The following TBX3 variants were observed in gnomAD, a reference collection of about 807,000 sequenced individuals.
TBX3 encodes the protein T-box transcription factor 3, also known as T-box transcription factor TBX3.
A neutral mutation model predicts 47.8 loss-of-function variants in TBX3; 11 were observed. The ratio of observed to expected loss-of-function variants is 0.23; its 90% CI spans 0.14 to 0.38. The LOEUF is 0.38. TBX3 is among the 10% of genes least tolerant of loss of function. TBX3 has a pLI of 1.00. For synonymous variants in TBX3, 500 were observed against 449.3 expected (o/e 1.11, Z -1.43); for missense variants, 927 against 1,022.8 (o/e 0.91, Z 1.28).
At position 114,672,086 on chromosome 12, in the gene TBX3, T is replaced by C; in HGVS notation, c.1927A>G (p.Met643Val). The change falls in exon 7 of 7, where the codon ATG (methionine) becomes GTG (valine). Residue 643 changes from methionine (M) to valine (V), a missense_variant. Transcript: ENST00000349155. ...TCCAGGGGCCCCGCGGCCGCCGCCA[T>C]GGAGGGCAGGGCGGTGGTGAGCAGA... ...SSLLTTALPS[M>V]AAAAGPLDGK... is the part of the protein sequence containing the mutation. 1.3e-6 allele frequency: 2 copies of C among 1,568,618 alleles called. No individual in the cohort carries two copies. Among genetic ancestry groups the C allele is most frequent in the South Asian group, 1.2e-5 (1 of 85,594 alleles).
Position 114,682,990 on chromosome 12 carries a change from C to A in TBX3, c.211G>T (p.Ala71Ser), listed in dbSNP as rs1012420316. The A allele has an allele frequency of 8.1e-6, 13 of 1,614,024 alleles. No individual in the cohort carries two copies. Among genetic ancestry groups the A allele is most frequent in the Non-Finnish European group, 1.1e-5 (13 of 1,179,998 alleles). Residue 71 changes from alanine to serine, a missense_variant, in exon 1 of 7, where the codon GCG becomes TCG. Around this residue, in one of 5 missense-constraint regions of TBX3, gnomAD observed 216 missense variants for 281.2 expected, o/e 0.77. Coordinates refer to ENST00000349155, the MANE Select transcript of TBX3 (RefSeq NM_005996.4). ...AKPIMDQLVG[A>S]AETGIPFSSL... is the part of the protein sequence containing the mutation. ...GAGAACGGGATGCCGGTCTCGGCCGCCCCCACCAATTGATCCATGATCGGC... is the reference window on the plus strand; with the variant it reads ...GAGAACGGGATGCCGGTCTCGGCCGACCCCACCAATTGATCCATGATCGGC...
rs372029833 is a variant in TBX3 at position 114,674,238 on chromosome 12, G to C, written c.1637C>G (p.Ala546Gly). The C allele has an allele frequency of 1.3e-6, 2 of 1,575,346 alleles. No individual in the cohort carries two copies. Among genetic ancestry groups the C allele is most frequent in the African/African-American group, 2.7e-5 (2 of 74,556 alleles). ...GGACGCCCCGGACAGTCCCTGCGCC[G>C]CAGCGGCAGAGGCCATGGCCGTGGA... ...LDSTAMASAAAAQGLSGASAA... is the reference protein window; with the variant it reads ...LDSTAMASAAGAQGLSGASAA... Residue 546 changes from alanine to glycine, a missense_variant, in exon 6 of 7, where the codon GCG becomes GGG. By Grantham distance (60) the Ala-to-Gly change is moderately conservative (BLOSUM62 0). Transcript: ENST00000349155.
Position 114,672,026 on chromosome 12 carries a change from A to C in TBX3, c.1987T>G (p.Ser663Ala). ...TCAGAGCCCGAGTCCACTGCCACCG[A>C]GGCCGGGCTGGCGGCCAGGGCGGCG... ...KVAALAASPASVAVDSGSELN... is the reference protein window; with the variant it reads ...KVAALAASPAAVAVDSGSELN... Residue 663 changes from serine to alanine, a missense_variant, in exon 7 of 7, where the codon TCG becomes GCG. Transcript: ENST00000349155. The C allele has an allele frequency of 6.3e-6, 10 of 1,590,490 alleles. No individual in the cohort carries two copies. Among genetic ancestry groups the C allele is most frequent in the Non-Finnish European group, 8.6e-6 (10 of 1,168,778 alleles).
chr12:114,681,208 T>C, intron 1 of TBX3, 62 bp from the exon 2 acceptor site: 1 of 1,599,412 alleles, frequency 6.3e-7, no homozygotes. Context: ...TTGGGTTTGA[T>C]TTCCTATGTA....
chr12:114,672,184 T>C lies in TBX3; in HGVS notation c.1829A>G (p.Asn610Ser), dbSNP rs1445898564. 7.6e-6 allele frequency: 12 copies of C among 1,572,598 alleles called. No homozygotes were observed. The highest frequency in any genetic ancestry group is 3.5e-5 in the South Asian group (3 of 85,478). Reference protein sequence around the residue: ...SSSVHRHPFLNLNTMRPRLRY... With the variant: ...SSSVHRHPFLSLNTMRPRLRY... ...CAGCCGCGGGCGCATGGTGTTCAGA[T>C]TGAGGAAGGGGTGGCGGTGCACCGA... Residue 610 changes from asparagine to serine, a missense_variant, in exon 7 of 7, where the codon AAT (asparagine) becomes AGT (serine). By Grantham distance (46) the Asn-to-Ser change is conservative. Around this residue, in one of 5 missense-constraint regions of TBX3, gnomAD observed 623 missense variants for 569.0 expected, o/e 1.09. Coordinates refer to ENST00000349155, the MANE Select transcript of TBX3 (RefSeq NM_005996.4).
Position 114,680,898 on chromosome 12 carries a change from ATGT to A in TBX3, c.635_637del (p.Asn212del). ...ACTTACAAATCCATGTTTGTCTGAA[ATGT>A]TGTTGGTGAGTTTCAGTTTGTGGAA... On this transcript the variant is annotated inframe_deletion, in exon 2 of 7. Coordinates refer to ENST00000349155, the MANE Select transcript of TBX3 (RefSeq NM_005996.4). The A allele has an allele frequency of 6.2e-7, 1 of 1,614,154 alleles. No individual in the cohort carries two copies. Among genetic ancestry groups the A allele is most frequent in the Non-Finnish European group, 8.5e-7 (1 of 1,180,044 alleles).
intron 3 of TBX3, among the ~76,000 whole-genome samples, chr12:114,678,970 G>A (rs1007745518): frequency 6.6e-6 from 1 of 151,808 alleles, no homozygotes; most frequent in Non-Finnish European, 1.5e-5. Context: ...CCAACCACAC[G>A]CATGCATGCA....
intron 4 of TBX3, among the ~76,000 whole-genome samples, chr12:114,677,017 C>A (rs573440384): frequency 2.0e-4 from 30 of 152,084 alleles, no homozygotes; most frequent in African/African-American, 7.2e-4. Context: ...TTTTTTAATG[C>A]CCGCCCCAAG....
At chr12:114,673,877 G>A (rs1215613312) in intron 6 of TBX3, among the ~76,000 whole-genome samples, 1 of 152,238 alleles carries the variant, frequency 6.6e-6, no homozygotes, top group Non-Finnish European at 1.5e-5. Context: ...CAAGCACTTA[G>A]AAGAATGCCT....
At chr12:114,677,424 T>G (rs1328171601) in intron 4 of TBX3, among the ~76,000 whole-genome samples, 156 bp downstream of exon 4, 1 of 152,206 alleles carries the variant, frequency 6.6e-6, no homozygotes, top group African/African-American at 2.4e-5. Flanking sequence ...TTGTCCTGGG[T>G]ATACTGATAG....
rs754541756 is a variant in TBX3, at chr12:114,674,424, G to T, written c.1451C>A (p.Ala484Asp). Residue 484 changes from alanine (A) to aspartate (D), a missense_variant, in exon 6 of 7, where the codon GCC becomes GAC. Ala to Asp is a moderately radical substitution (Grantham distance 126). This residue lies in a region of TBX3 where 623 missense variants were observed against 569.0 expected (regional missense o/e 1.09). Transcript: ENST00000349155. ...GAACTGTTGGCCCGCCAGGCCCGGG[G>T]CGAAGCCGAGGCCAGGCAGGGGGCC... ...AQGPLPGLGFAPGLAGQQFFN... is the reference protein window; with the variant it reads ...AQGPLPGLGFDPGLAGQQFFN... The T allele has an allele frequency of 9.7e-6, 15 of 1,549,404 alleles. No homozygotes were observed. The Middle Eastern group carries it at 5.1e-4, about 53-fold the overall frequency.
chr12:114,676,843 C>T (rs574937308), intron 4 of TBX3, among the ~76,000 whole-genome samples: 3 of 152,268 alleles, frequency 2.0e-5, no homozygotes, highest in East Asian at 1.9e-4. Flanking sequence ...TAGGGAGAAC[C>T]GGGTGTCCAA....
rs760646591 is a variant in TBX3 at position 114,674,673 on chromosome 12, C to G, written c.1202G>C (p.Arg401Pro). ...GTCCAGCCGCCCGCTGTCCCGGGGCCGCTCAGCAGCGAAAAGGTGAGCCTT... is the reference window on the plus strand; with the variant it reads ...GTCCAGCCGCCCGCTGTCCCGGGGCGGCTCAGCAGCGAAAAGGTGAGCCTT... ...AVKAHLFAAE[R>P]PRDSGRLDKA... The change falls in exon 6 of 7, where the codon CGG becomes CCG. Residue 401 changes from arginine to proline, a missense_variant. Around this residue, in one of 5 missense-constraint regions of TBX3, gnomAD observed 623 missense variants for 569.0 expected, o/e 1.09. Coordinates refer to ENST00000349155, the MANE Select transcript of TBX3 (RefSeq NM_005996.4). The G allele has an allele frequency of 6.2e-7, 1 of 1,607,378 alleles. No individual in the cohort carries two copies. Among genetic ancestry groups the G allele is most frequent in the Non-Finnish European group, 8.5e-7 (1 of 1,179,124 alleles).
chr12:114,681,298 G>A (rs775303479), intron 1 of TBX3, 152 bp from the exon 2 acceptor site: 4 of 1,116,086 alleles, frequency 3.6e-6, no homozygotes, highest in Non-Finnish European at 5.0e-6. Flanking sequence ...GCAACTGGTT[G>A]CAAAATCGTT....
chr12:114,682,303 G>A (rs1246989755), intron 1 of TBX3, among the ~76,000 whole-genome samples: 1 of 152,126 alleles, frequency 6.6e-6, no homozygotes, highest in African/African-American at 2.4e-5. Flanking sequence ...ATTTCTCTCT[G>A]ACCAGGGCAG....
chr12:114,677,100 A>G (rs944169397), intron 4 of TBX3, among the ~76,000 whole-genome samples: 1 of 151,178 alleles, frequency 6.6e-6, no homozygotes, highest in Non-Finnish European at 1.5e-5. Flanking sequence ...GGGAGGGGAG[A>G]CCCTCTTTCA....
In TBX3 at chr12:114,684,033, GA is replaced by G. The variant is rs1396197962; in HGVS notation, c.-834del. The G allele has an allele frequency of 4.3e-6, 1 of 231,080 alleles. No individual in the cohort carries two copies. The highest frequency in any genetic ancestry group is 8.5e-6 in the Non-Finnish European group (1 of 116,990). The allele number at this position is 231,080 out of a possible 1,614,324, so 14.3% of individuals were successfully genotyped here. On this transcript the variant is annotated 5_prime_UTR_variant, in exon 1 of 7. Coordinates refer to ENST00000349155, the MANE Select transcript of TBX3 (RefSeq NM_005996.4). ...AGGCGCGCAGGGCAGGGAGGATTTA[GA>G]GGGGGAAAAAATGGAACAGAGGGAA... is the stretch of plus-strand genomic sequence containing the variant.
At chr12:114,675,660 G>A (rs1565860089) in intron 5 of TBX3, among the ~76,000 whole-genome samples, 2 of 146,516 alleles carry the variant, frequency 1.4e-5, no homozygotes, top group African/African-American at 5.1e-5. Flanking sequence ...GTGTGTGTGT[G>A]TGTGTGTGTG....
intron 1 of TBX3, among the ~76,000 whole-genome samples, chr12:114,682,233 C>T (rs1868962568): frequency 6.6e-6 from 1 of 152,158 alleles, no homozygotes; most frequent in African/African-American, 2.4e-5. Flanking sequence ...GCCTGCTGAA[C>T]TCGCCCTTGG....
Sources: gnomAD v4.1 joint callset for allele counts (sites outside exome capture counted in the v4.1 genomes callset) on GRCh38, gnomAD v4.1.1 for gene constraint, gnomAD v4.1.1 regional missense constraint, MANE v1.5 for transcripts, NCBI Gene and HGNC (gene_info 2026-07-23, HGNC 2026-07-21) for gene names.